Variants in PLXDC2 observed in about 807,000 individuals in gnomAD.
PLXDC2 encodes plexin domain-containing protein 2.
Under a neutral mutation model 68.9 loss-of-function variants are expected in PLXDC2, and 40 were observed. The ratio of observed to expected loss-of-function variants is 0.58; its 90% confidence interval spans 0.45 to 0.76. The LOEUF (loss-of-function observed/expected upper bound fraction) is 0.76, where lower values mean the gene tolerates loss of function less well. Among genes scored for constraint, PLXDC2 ranks in the 30% least tolerant of loss-of-function variants. The pLI is 0.00. For missense variants in PLXDC2, 644 were observed against 661.9 expected (o/e 0.97, Z 0.30); for synonymous variants, 243 against 234.2 (o/e 1.04, Z -0.34).
intron 1 of PLXDC2, among the ~76,000 whole-genome samples, chr10:19,982,345 CT>C (rs1256254514): frequency 3.3e-5 from 5 of 152,172 alleles, no homozygotes; most frequent in Non-Finnish European, 7.3e-5. Context: ...TTCTGTGAGT[CT>C]TTGTCTATTT....
chr10:20,031,805 A>ATTATTTATTTAT (rs144152981), intron 2 of PLXDC2, among the ~76,000 whole-genome samples: 8 of 148,272 alleles, frequency 5.4e-5, no homozygotes, highest in African/African-American at 1.7e-4. Flanking sequence ...AGTTGTTTTT[A>ATTATTTATTTAT]TTATTTATTT....
chr10:20,177,277 C>G (rs559900603), intron 8 of PLXDC2, 51 bp from the exon 9 acceptor site: 16 of 1,460,814 alleles, frequency 1.1e-5, no homozygotes, highest in African/African-American at 9.8e-5. Context: ...ATCTCTTTCC[C>G]CTCCAAGTTG....
At chr10:20,056,361 A>G (rs1376306519) in intron 3 of PLXDC2, among the ~76,000 whole-genome samples, 3 of 152,146 alleles carry the variant, frequency 2.0e-5, no homozygotes, top group Admixed American at 6.6e-5. Flanking sequence ...CATGCCTGGG[A>G]AATGGGCTGG....
chr10:20,001,984 G>C lies in PLXDC2; in HGVS notation c.322G>C (p.Glu108Gln). Residue 108 changes from glutamate to glutamine, a missense_variant and splice_region_variant, in exon 2 of 14, where the codon GAG becomes CAG. Coordinates refer to ENST00000377252, the MANE Select transcript of PLXDC2 (RefSeq NM_032812.9). Reference sequence around the variant, plus strand: ...TGGGCAGGACAATAACACTCAGATCGAGGTAGATAAATAGTCTGGGTAATT... The same window carrying C: ...TGGGCAGGACAATAACACTCAGATCCAGGTAGATAAATAGTCTGGGTAATT... ...DDGQDNNTQI[E>Q]EDTDHNYYIS... 1 of 1,610,984 alleles carries C rather than the reference G, an allele frequency of 6.2e-7. No homozygotes were observed. The highest frequency in any genetic ancestry group is 1.1e-5 in the South Asian group (1 of 90,752).
At chr10:20,242,111 C>G (rs1406541074) in intron 12 of PLXDC2, among the ~76,000 whole-genome samples, 1 of 152,092 alleles carries the variant, frequency 6.6e-6, no homozygotes, top group Non-Finnish European at 1.5e-5. Flanking sequence ...TACATTTTCC[C>G]TAAAGCCACA....
intron 1 of PLXDC2, among the ~76,000 whole-genome samples, chr10:19,933,190 G>A (rs573173603): frequency 3.3e-5 from 5 of 152,200 alleles, no homozygotes; most frequent in South Asian, 2.1e-4. Context: ...AAAATTATTC[G>A]TTATTCTTTT....
intron 1 of PLXDC2, among the ~76,000 whole-genome samples, chr10:19,948,266 T>C (rs918637702): frequency 6.6e-6 from 1 of 152,146 alleles, no homozygotes; most frequent in Non-Finnish European, 1.5e-5. Flanking sequence ...CTCCTTCCTA[T>C]TGCCTAGTTC....
At chr10:20,164,641 G>A (rs1016512422) in intron 7 of PLXDC2, 74 bp downstream of exon 7, 1 of 1,124,652 alleles carries the variant, frequency 8.9e-7, no homozygotes, top group Non-Finnish European at 1.3e-6. Flanking sequence ...GTCTATGGCA[G>A]CTGTACCTGA....
chr10:19,885,566 A>G (rs1003232200), intron 1 of PLXDC2, among the ~76,000 whole-genome samples: 1 of 152,004 alleles, frequency 6.6e-6, no homozygotes, highest in African/African-American at 2.4e-5. Flanking sequence ...TCAGCTTTCT[A>G]CATATGGCTA....
chr10:20,078,873 A>G (rs187459721), intron 4 of PLXDC2, among the ~76,000 whole-genome samples: 34 of 152,216 alleles, frequency 2.2e-4, no homozygotes, highest in African/African-American at 7.7e-4. Flanking sequence ...TATTTTCCAC[A>G]AGGTTTGAAA....
chr10:19,924,426 G>T (rs768440242), intron 1 of PLXDC2, among the ~76,000 whole-genome samples: 1 of 151,998 alleles, frequency 6.6e-6, no homozygotes, highest in East Asian at 1.9e-4. Context: ...ATAATTTACC[G>T]ATTTCCTTTG....
At chr10:20,030,724 G>A (rs144380114) in intron 2 of PLXDC2, among the ~76,000 whole-genome samples, 114 of 152,256 alleles carry the variant, frequency 7.5e-4, no homozygotes, top group Admixed American at 2.7e-3. Flanking sequence ...CTGGCTGAGA[G>A]AGGTGAGCGC....
chr10:20,218,885 A>C (rs1442979909), intron 11 of PLXDC2, among the ~76,000 whole-genome samples, 179 bp from the exon 12 acceptor site: 1 of 152,198 alleles, frequency 6.6e-6, no homozygotes, highest in Non-Finnish European at 1.5e-5. Flanking sequence ...AGGAAATTTT[A>C]GAACTACATC....
intron 1 of PLXDC2, among the ~76,000 whole-genome samples, chr10:19,914,958 G>A (rs1833338608): frequency 6.6e-6 from 1 of 152,052 alleles, no homozygotes; most frequent in African/African-American, 2.4e-5. Context: ...GATTTCTTTT[G>A]ATTGGTGTTT....
intron 9 of PLXDC2, 145 bp from the exon 10 acceptor site, chr10:20,211,524 G>T: frequency 1.6e-6 from 1 of 634,978 alleles, no homozygotes; most frequent in East Asian, 2.8e-5. Flanking sequence ...TGCTTCTCCA[G>T]TTGCGAGTTC....
chr10:20,209,179 T>G (rs1835034005), intron 9 of PLXDC2, among the ~76,000 whole-genome samples: 1 of 152,178 alleles, frequency 6.6e-6, no homozygotes, highest in South Asian at 2.1e-4. Context: ...GGGAATTTCC[T>G]CATCCTAATA....
chr10:20,112,838 A>G (rs1333135629), intron 4 of PLXDC2, among the ~76,000 whole-genome samples: 1 of 152,238 alleles, frequency 6.6e-6, no homozygotes, highest in African/African-American at 2.4e-5. Flanking sequence ...TTATAGACAA[A>G]CACATTGCCA....
chr10:19,881,155 A>G (rs1047425752), intron 1 of PLXDC2, among the ~76,000 whole-genome samples: 1 of 151,822 alleles, frequency 6.6e-6, no homozygotes, highest in Non-Finnish European at 1.5e-5. Flanking sequence ...TTGCTCTGTC[A>G]CCCAGGCTGG....
At chr10:20,020,182 T>A (rs939412234) in intron 2 of PLXDC2, among the ~76,000 whole-genome samples, 1 of 87,608 alleles carries the variant, frequency 1.1e-5, no homozygotes, top group Non-Finnish European at 3.4e-5. Flanking sequence ...CAGCAAATTT[T>A]TTTTTTTTTT....
Sources: allele counts gnomAD v4.1 joint callset (sites outside exome capture counted in the v4.1 genomes callset), GRCh38; gene constraint gnomAD v4.1.1; transcripts MANE v1.5; gene names NCBI Gene and HGNC (gene_info 2026-07-23, HGNC 2026-07-21).